The following USP37 variants were observed in gnomAD, a reference collection of about 807,000 sequenced individuals.
USP37 encodes the protein ubiquitin carboxyl-terminal hydrolase 37.
USP37 carries 27 observed loss-of-function variants against 124.0 expected under a neutral mutation model. That is an observed-to-expected ratio of 0.22 (90% CI 0.16 to 0.30). USP37 has a LOEUF of 0.30. Ranked by LOEUF, USP37 falls within the 10% of genes least tolerant of loss-of-function variation. The probability of loss-of-function intolerance (pLI) is 1.00; values close to 1 mark genes in which losing one functional copy is unlikely to be tolerated. For synonymous variants in USP37, 365 were observed against 388.0 expected, an observed-to-expected ratio of 0.94 and a Z score of 0.70; for missense variants, 889 against 1,140.4, an observed-to-expected ratio of 0.78 and a Z score of 3.17.
rs1015942218 is a variant in USP37 at position 218,452,052 on chromosome 2, C to T, written c.*2878G>A. 6.6e-6 allele frequency: 1 copy of T among 152,586 alleles called. No homozygotes were observed. Among genetic ancestry groups the T allele is most frequent in the Non-Finnish European group, 1.5e-5 (1 of 68,036 alleles). The allele number at this position is 152,586 out of a possible 1,614,324, so 9.5% of individuals were successfully genotyped here. On this transcript the variant is annotated 3_prime_UTR_variant, in exon 26 of 26. Coordinates refer to ENST00000258399, the MANE Select transcript of USP37 (RefSeq NM_020935.3). ...TATTAAAGAAATTAACAGCATCCAG[C>T]CACATGCAACTTTCCAACCTTCAGT...
chr2:218,497,812 C>A lies in USP37; in HGVS notation c.1203G>T (p.Glu401Asp). Residue 401 changes from glutamate (E) to aspartate (D), a missense_variant, in exon 13 of 26, where the codon GAG becomes GAT. Physicochemically the swap from Glu to Asp is conservative, Grantham distance 45. Transcript: ENST00000258399. ...LLVKKDICNS[E>D]TKKDLLKKVK... Reference sequence around the variant, plus strand: ...CCTTCTTGAGTAAATCCTTTTTGGTCTCTGAATTACAGATATCTTTTTTAA... The same window carrying A: ...CCTTCTTGAGTAAATCCTTTTTGGTATCTGAATTACAGATATCTTTTTTAA... 1.2e-6 allele frequency: 2 copies of A among 1,613,978 alleles called. No individual in the cohort carries two copies. The highest frequency in any genetic ancestry group is 1.7e-6 in the Non-Finnish European group (2 of 1,179,986).
chr2:218,498,644 T>C (rs986573061), intron 11 of USP37, among the ~76,000 whole-genome samples: 5 of 152,102 alleles, frequency 3.3e-5, no homozygotes, highest in African/African-American at 1.2e-4. Context: ...CGAGAATCGC[T>C]TGAACCCAGG....
In USP37 at chr2:218,536,294, C is replaced by T. The variant is rs116489903; in HGVS notation, c.681-1588G>A. On this transcript the variant is annotated intron_variant, in intron 8 of 25. Coordinates refer to ENST00000258399, the MANE Select transcript of USP37 (RefSeq NM_020935.3). Reference sequence around the variant, plus strand: ...CTAATTTAAGGGGAACCATCATGAACTAAGCCTGTGGCAGACAATGCCTAA... The same window carrying T: ...CTAATTTAAGGGGAACCATCATGAATTAAGCCTGTGGCAGACAATGCCTAA... 3.2e-3 allele frequency among the ~76,000 whole-genome samples: 490 copies of T among 152,284 alleles called. 1 individual carries two copies. The highest frequency in any genetic ancestry group is 0.011 in the African/African-American group (471 of 41,564).
At chr2:218,486,840 C>T (rs1416657165) in intron 15 of USP37, among the ~76,000 whole-genome samples, 1 of 152,120 alleles carries the variant, frequency 6.6e-6, no homozygotes, top group Non-Finnish European at 1.5e-5. Context: ...ATTCTCCTGC[C>T]TCAGCCTCCC....
At chr2:218,567,372 T>C (rs1693674072) in intron 1 of USP37, among the ~76,000 whole-genome samples, 1 of 152,188 alleles carries the variant, frequency 6.6e-6, no homozygotes, top group South Asian at 2.1e-4. Context: ...CACTATACTC[T>C]TTTTCGGCAA....
At chr2:218,526,785 CTTTT>C (rs71064454) in intron 10 of USP37, among the ~76,000 whole-genome samples, 6 of 75,920 alleles carry the variant, frequency 7.9e-5, no homozygotes, top group East Asian at 5.3e-4. Context: ...ATTTCATTTG[CTTTT>C]TTTTTTTTTT....
At position 218,534,664 on chromosome 2, in the gene USP37, G is replaced by A; in HGVS notation, c.723C>T (p.Thr241=). ...AMTDPSRKYL[T]SSREKQLSLK... is the part of the protein sequence containing the mutation. Reference sequence around the variant, plus strand: ...AACTCAGCTGCTTTTCTCTACTGCTGGTTAAATACTTTCTGGAGGGATCTG... The same window carrying A: ...AACTCAGCTGCTTTTCTCTACTGCTAGTTAAATACTTTCTGGAGGGATCTG... The change falls in exon 9 of 26, where the codon ACC becomes ACT. Residue 241 remains threonine, a synonymous_variant. Coordinates refer to ENST00000258399, the MANE Select transcript of USP37 (RefSeq NM_020935.3). 6.2e-7 allele frequency: 1 copy of A among 1,610,282 alleles called. No homozygotes were observed. The highest frequency in any genetic ancestry group is 2.2e-5 in the East Asian group (1 of 44,600).
chr2:218,505,631 C>T (rs1422761812), intron 11 of USP37, among the ~76,000 whole-genome samples: 2 of 152,140 alleles, frequency 1.3e-5, no homozygotes, highest in Admixed American at 6.6e-5. Flanking sequence ...TCCTGCTTTG[C>T]ATGATGATTT....
chr2:218,519,225 G>A (rs2106012038), intron 10 of USP37, among the ~76,000 whole-genome samples: 2 of 152,270 alleles, frequency 1.3e-5, no homozygotes, highest in East Asian at 1.9e-4. Context: ...ATGTTGAGGT[G>A]TAGTAGGAAA....
chr2:218,505,659 G>A (rs974703533), intron 11 of USP37, among the ~76,000 whole-genome samples: 6 of 152,144 alleles, frequency 3.9e-5, no homozygotes, highest in Non-Finnish European at 7.3e-5. Context: ...TCTGATGCCA[G>A]ACTATTTCTG....
At chr2:218,548,762 T>G (rs1471053773) in intron 6 of USP37, among the ~76,000 whole-genome samples, 2 of 152,234 alleles carry the variant, frequency 1.3e-5, no homozygotes, top group Non-Finnish European at 2.9e-5. Context: ...TTATTTTCTA[T>G]TCTACTTTTT....
In USP37 at chr2:218,488,315, G is replaced by C; in HGVS notation, c.1579C>G (p.Leu527Val). 2 of 1,591,562 alleles carry C rather than the reference G, an allele frequency of 1.3e-6. No homozygotes were observed. The highest frequency in any genetic ancestry group is 1.7e-6 in the Non-Finnish European group (2 of 1,164,090). ...AAGATATTATTTACCCTAAAGAAAA[G>C]ATCAAGAGAATCTTGAATTGAACGA... Reference protein sequence around the residue: ...PPRSIQDSLDLFFRAEELEYS... With the variant: ...PPRSIQDSLDVFFRAEELEYS... The change falls in exon 15 of 26, where the codon CTT becomes GTT. Residue 527 changes from leucine (L) to valine (V), a missense_variant. Leu to Val is a conservative substitution (Grantham distance 32). Around this residue, in one of 3 missense-constraint regions of USP37, gnomAD observed 504 missense variants for 714.3 expected, o/e 0.71. Coordinates refer to ENST00000258399, the MANE Select transcript of USP37 (RefSeq NM_020935.3).
chr2:218,486,993 T>A (rs932468848), intron 15 of USP37, among the ~76,000 whole-genome samples: 1 of 152,172 alleles, frequency 6.6e-6, no homozygotes, highest in African/African-American at 2.4e-5. Flanking sequence ...CCCAAAGTGC[T>A]GGGATTACAG....
At chr2:218,565,686 A>T (rs1040517091) in intron 1 of USP37, among the ~76,000 whole-genome samples, 4 of 152,252 alleles carry the variant, frequency 2.6e-5, no homozygotes, top group Non-Finnish European at 5.9e-5. Flanking sequence ...GGAAATAAAA[A>T]AGAAGTGGTC....
chr2:218,561,932 G>A (rs1693334591), intron 2 of USP37, among the ~76,000 whole-genome samples: 1 of 152,038 alleles, frequency 6.6e-6, no homozygotes, highest in African/African-American at 2.4e-5. Context: ...CATACACAGA[G>A]GTCATGTCTA....
intron 5 of USP37, among the ~76,000 whole-genome samples, 168 bp from the exon 6 acceptor site, chr2:218,550,077 A>G (rs1042291459): frequency 1.3e-5 from 2 of 152,206 alleles, no homozygotes; most frequent in Non-Finnish European, 2.9e-5. Context: ...CAGAATATAC[A>G]TCTTATATAA....
At chr2:218,477,191 G>T (rs972542197) in intron 18 of USP37, among the ~76,000 whole-genome samples, 1 of 152,132 alleles carries the variant, frequency 6.6e-6, no homozygotes, top group South Asian at 2.1e-4. Flanking sequence ...ATGCTACTAC[G>T]TATCATCAGT....
intron 4 of USP37, among the ~76,000 whole-genome samples, chr2:218,556,159 C>T (rs1692959613): frequency 6.6e-6 from 1 of 152,190 alleles, no homozygotes; most frequent in African/African-American, 2.4e-5. Context: ...CTGGTTCCTA[C>T]CTAGCTCTTC....
At position 218,482,168 on chromosome 2, in the gene USP37, C is replaced by T; in HGVS notation, c.1737G>A (p.Gly579=). Residue 579 remains glycine, a synonymous_variant, in exon 17 of 26, where the codon GGG becomes GGA. Coordinates refer to ENST00000258399, the MANE Select transcript of USP37 (RefSeq NM_020935.3). ...GGTATCTTGGAATGATGACTTGCTGCCCAATCTTATTGTTAAGCGAGAGAG... is the reference window on the plus strand; with the variant it reads ...GGTATCTTGGAATGATGACTTGCTGTCCAATCTTATTGTTAAGCGAGAGAG... ...NVALSLNNKI[G]QQVIIPRYLT... The T allele has an allele frequency of 6.2e-7, 1 of 1,613,892 alleles. No individual in the cohort carries two copies. The highest frequency in any genetic ancestry group is 2.2e-5 in the East Asian group (1 of 44,860).
Sources: allele counts gnomAD v4.1 joint callset (sites outside exome capture counted in the v4.1 genomes callset), GRCh38; gene constraint gnomAD v4.1.1; regional missense constraint gnomAD v4.1.1; transcripts MANE v1.5; gene names NCBI Gene and HGNC (gene_info 2026-07-23, HGNC 2026-07-21).